CDH18: variants seen among roughly 807,000 people sequenced by gnomAD.
The protein encoded by CDH18 is cadherin-18.
CDH18 carries 31 observed loss-of-function variants against 67.9 expected under a neutral mutation model. The observed-to-expected ratio is 0.46, with a 90% CI of 0.34 to 0.62. The LOEUF is 0.62. CDH18 is among the 20% of genes least tolerant of loss of function. The pLI, the probability that CDH18 is intolerant of heterozygous loss-of-function variation, is 0.01. For missense variants in CDH18, 890 were observed against 975.5 expected (o/e 0.91, Z 1.17); for synonymous variants, 362 against 347.2 (o/e 1.04, Z -0.48).
intron 1 of CDH18, among the ~76,000 whole-genome samples, chr5:20,323,756 A>C (rs1222181035): frequency 6.6e-6 from 1 of 152,204 alleles, no homozygotes; most frequent in African/African-American, 2.4e-5. Flanking sequence ...GTGCTATAGT[A>C]AGCAACTGCT....
intron 1 of CDH18, among the ~76,000 whole-genome samples, chr5:20,433,539 T>C (rs1489493831): frequency 1.3e-5 from 2 of 152,108 alleles, no homozygotes; most frequent in African/African-American, 4.8e-5. Flanking sequence ...GTTGGTGTTG[T>C]AATGTAAAAG....
intron 3 of CDH18, among the ~76,000 whole-genome samples, chr5:19,784,983 G>T (rs1480996329): frequency 6.6e-6 from 1 of 151,986 alleles, no homozygotes; most frequent in Admixed American, 6.6e-5. Context: ...ATCCACCAAT[G>T]ACCTGTAAGC....
intron 1 of CDH18, among the ~76,000 whole-genome samples, chr5:20,394,300 A>G (rs934410274): frequency 1.3e-5 from 2 of 152,078 alleles, no homozygotes; most frequent in African/African-American, 4.8e-5. Context: ...GCAAAAACAT[A>G]TACTGGGAAA....
chr5:19,493,036 G>T (rs779986408), intron 11 of CDH18, among the ~76,000 whole-genome samples: 2 of 152,028 alleles, frequency 1.3e-5, no homozygotes, highest in African/African-American at 4.8e-5. Context: ...AGTAATTGAC[G>T]CTGCATTCTG....
intron 2 of CDH18, among the ~76,000 whole-genome samples, chr5:19,859,528 G>A (rs1784657376): frequency 6.6e-6 from 1 of 151,998 alleles, no homozygotes; most frequent in African/African-American, 2.4e-5. Flanking sequence ...GAATTAACTA[G>A]GTCCAGCAAC....
intron 2 of CDH18, among the ~76,000 whole-genome samples, chr5:19,923,234 G>A (rs1183379160): frequency 6.6e-6 from 1 of 152,116 alleles, no homozygotes; most frequent in African/African-American, 2.4e-5. Flanking sequence ...TGTGAATGAT[G>A]AAGCCTCCAG....
intron 1 of CDH18, among the ~76,000 whole-genome samples, chr5:20,508,877 T>C (rs1374428521): frequency 6.6e-6 from 1 of 152,110 alleles, no homozygotes; most frequent in East Asian, 1.9e-4. Context: ...TCTGCCCAAA[T>C]AATAGAAACT....
chr5:19,598,661 AAAATT>A (rs1322484311), intron 6 of CDH18, among the ~76,000 whole-genome samples: 3 of 152,278 alleles, frequency 2.0e-5, no homozygotes, highest in East Asian at 1.9e-4. Context: ...ATTTGATAAC[AAAATT>A]AAATTATCTC....
At chr5:20,551,499 T>G (rs531900136) in intron 1 of CDH18, among the ~76,000 whole-genome samples, 52 of 152,310 alleles carry the variant, frequency 3.4e-4, no homozygotes, top group East Asian at 3.9e-4. Context: ...CCACTTGCTG[T>G]TAATAGAAAC....
At chr5:20,413,465 C>G (rs1326140979) in intron 1 of CDH18, among the ~76,000 whole-genome samples, 1 of 152,142 alleles carries the variant, frequency 6.6e-6, no homozygotes, top group Non-Finnish European at 1.5e-5. Context: ...ACAGCCTCTC[C>G]AGCACCTGTT....
At chr5:20,465,250 C>T (rs1248126294) in intron 1 of CDH18, among the ~76,000 whole-genome samples, 1 of 145,262 alleles carries the variant, frequency 6.9e-6, no homozygotes, top group African/African-American at 2.4e-5. Flanking sequence ...AAGAGATGAT[C>T]ATTATATTCT....
At chr5:20,462,474 A>C (rs1159489906) in intron 1 of CDH18, among the ~76,000 whole-genome samples, 1 of 152,212 alleles carries the variant, frequency 6.6e-6, no homozygotes, top group Non-Finnish European at 1.5e-5. Context: ...TGTATATTTC[A>C]TAATAGCTAG....
intron 6 of CDH18, among the ~76,000 whole-genome samples, chr5:19,608,581 A>G (rs925565805): frequency 4.6e-5 from 7 of 151,758 alleles, no homozygotes; most frequent in Non-Finnish European, 7.4e-5. Context: ...TACCCAAACC[A>G]GTTAAACAAT....
intron 1 of CDH18, among the ~76,000 whole-genome samples, chr5:20,390,828 T>C (rs1744784237): frequency 6.6e-6 from 1 of 152,154 alleles, no homozygotes. Flanking sequence ...TGAGTTCATG[T>C]CCTTTGTAGG....
intron 2 of CDH18, among the ~76,000 whole-genome samples, chr5:20,171,344 G>C (rs184139495): frequency 7.2e-5 from 11 of 152,152 alleles, no homozygotes; most frequent in African/African-American, 2.6e-4. Context: ...AAGTGTATAA[G>C]TGTTCCTGTT....
chr5:20,291,268 A>T (rs1441776077), intron 1 of CDH18, among the ~76,000 whole-genome samples: 1 of 152,160 alleles, frequency 6.6e-6, no homozygotes. Context: ...AATAGATGAT[A>T]GTTGATCCCA....
intron 2 of CDH18, among the ~76,000 whole-genome samples, chr5:19,962,625 A>C (rs1162683961): frequency 6.6e-6 from 1 of 151,818 alleles, no homozygotes; most frequent in Non-Finnish European, 1.5e-5. Context: ...AATACAAAAA[A>C]GTTGGCTGGG....
chr5:20,226,031 T>C (rs899342834), intron 2 of CDH18, among the ~76,000 whole-genome samples: 14 of 152,070 alleles, frequency 9.2e-5, no homozygotes, highest in Admixed American at 8.5e-4. Context: ...CACTTCTGGA[T>C]TGAGCAAATG....
chr5:20,059,049 T>C (rs1343668983), intron 2 of CDH18, among the ~76,000 whole-genome samples: 1 of 152,196 alleles, frequency 6.6e-6, no homozygotes, highest in African/African-American at 2.4e-5. Flanking sequence ...CTTCCTGGTT[T>C]AGTCTTGGGA....
Sources: gnomAD v4.1 joint callset for allele counts (sites outside exome capture counted in the v4.1 genomes callset) on GRCh38, gnomAD v4.1.1 for gene constraint, MANE v1.5 for transcripts, NCBI Gene and HGNC (gene_info 2026-07-23, HGNC 2026-07-21) for gene names.